Variants in CDH13 observed in about 807,000 individuals in gnomAD.
CDH13 encodes cadherin 13.
A neutral mutation model predicts 63.8 loss-of-function variants in CDH13; 24 were observed. The observed-to-expected ratio is 0.38, with a 90% CI of 0.27 to 0.53. The LOEUF (loss-of-function observed/expected upper bound fraction) is 0.53. Among genes scored for constraint, CDH13 ranks in the 20% least tolerant of loss-of-function variants. CDH13 has a pLI of 0.85. For synonymous variants in CDH13, 503 were observed against 355.3 expected, an observed-to-expected ratio of 1.42 and a Z score of -4.67; for missense variants, 1,049 against 903.1, an observed-to-expected ratio of 1.16 and a Z score of -2.07.
chr16:83,460,507 C>A (rs970874117), intron 6 of CDH13, among the ~76,000 whole-genome samples: 1 of 152,166 alleles, frequency 6.6e-6, no homozygotes, highest in African/African-American at 2.4e-5. Flanking sequence ...CCGTACCCGG[C>A]AGTGTGTACG....
At chr16:83,723,714 T>C (rs1291559750) in intron 10 of CDH13, among the ~76,000 whole-genome samples, 1 of 152,214 alleles carries the variant, frequency 6.6e-6, no homozygotes, top group Non-Finnish European at 1.5e-5. Context: ...TGATCTCCCT[T>C]CCTCTTGTAG....
intron 6 of CDH13, among the ~76,000 whole-genome samples, chr16:83,437,064 G>T (rs971965066): frequency 1.1e-4 from 16 of 152,006 alleles, no homozygotes; most frequent in Non-Finnish European, 1.9e-4. Flanking sequence ...GGCATGCTTG[G>T]TACTGTTTTG....
chr16:83,683,058 C>A (rs189738047), intron 10 of CDH13, among the ~76,000 whole-genome samples: 1 of 152,234 alleles, frequency 6.6e-6, no homozygotes, highest in Admixed American at 6.5e-5. Context: ...GGCCAGACAC[C>A]CTTTCATCTC....
intron 10 of CDH13, among the ~76,000 whole-genome samples, chr16:83,687,337 GA>G (rs1427833316): frequency 6.6e-6 from 1 of 152,164 alleles, no homozygotes; most frequent in Non-Finnish European, 1.5e-5. Context: ...GGCTATATAG[GA>G]AGCATGGCAG....
chr16:83,555,946 C>T (rs140047877), intron 7 of CDH13, among the ~76,000 whole-genome samples: 1 of 152,268 alleles, frequency 6.6e-6, no homozygotes, highest in East Asian at 1.9e-4. Flanking sequence ...ATAATGGGCT[C>T]ATTAGAGATA....
chr16:82,884,716 C>T (rs755580614), intron 2 of CDH13, among the ~76,000 whole-genome samples: 6 of 152,208 alleles, frequency 3.9e-5, no homozygotes, highest in Non-Finnish European at 5.9e-5. Flanking sequence ...AAAGGCATCT[C>T]CAAGTTTTTC....
chr16:82,892,363 A>G (rs1001224147), intron 2 of CDH13, among the ~76,000 whole-genome samples: 1 of 152,208 alleles, frequency 6.6e-6, no homozygotes, highest in Non-Finnish European at 1.5e-5. Context: ...ATTCACCAAC[A>G]TTGGTTCGGG....
chr16:82,816,781 C>T (rs932993312), intron 1 of CDH13, among the ~76,000 whole-genome samples: 11 of 138,278 alleles, frequency 8.0e-5, no homozygotes, highest in African/African-American at 3.1e-4. Context: ...TCACCATCAT[C>T]ACTACCACCT....
In CDH13 at chr16:83,203,543, C is replaced by T. The variant is rs139390580; in HGVS notation, c.484-13802C>T. On this transcript the variant is annotated intron_variant, in intron 4 of 13. Transcript: ENST00000567109. ...CTACTAAAAATACAAAAAAATTAGC[C>T]GGCTGTCGTGGTGGGTGCCTGTAGT... Among the ~76,000 whole-genome samples, 1,379 of 149,906 alleles carry T rather than the reference C, an allele frequency of 9.2e-3. 27 individuals carry two copies. Among genetic ancestry groups the T allele is most frequent in the African/African-American group, 0.031 (1,279 of 40,840 alleles).
At chr16:83,794,994 C>T (rs747841131) in intron 13 of CDH13, 29 bp from the exon 14 acceptor site, 25 of 1,585,662 alleles carry the variant, frequency 1.6e-5, no homozygotes, top group Admixed American at 1.4e-4. Context: ...GTGATATTCC[C>T]GACTTAACTC....
chr16:83,472,526 G>T (rs923783184), intron 6 of CDH13, among the ~76,000 whole-genome samples: 7 of 152,164 alleles, frequency 4.6e-5, no homozygotes, highest in Admixed American at 4.6e-4. Context: ...CGCCGCTCAG[G>T]GGCGGGACTC....
chr16:83,232,375 A>C (rs1384608842), intron 5 of CDH13, among the ~76,000 whole-genome samples: 1 of 151,848 alleles, frequency 6.6e-6, no homozygotes. Flanking sequence ...AAAAACAAAA[A>C]TTAGCCAGGC....
intron 1 of CDH13, among the ~76,000 whole-genome samples, chr16:82,774,157 G>C (rs2035386290): frequency 6.6e-6 from 1 of 152,000 alleles, no homozygotes; most frequent in Non-Finnish European, 1.5e-5. Context: ...TCCCTAATTG[G>C]TTGCCAACAG....
intron 4 of CDH13, among the ~76,000 whole-genome samples, chr16:83,147,263 T>C (rs939227015): frequency 6.6e-6 from 1 of 152,210 alleles, no homozygotes; most frequent in African/African-American, 2.4e-5. Flanking sequence ...GTTTTCCACA[T>C]CCACCTTCTT....
At chr16:83,246,907 G>A (rs765235114) in intron 5 of CDH13, among the ~76,000 whole-genome samples, 4 of 152,118 alleles carry the variant, frequency 2.6e-5, no homozygotes, top group South Asian at 2.1e-4. Context: ...TAAAATGCCC[G>A]TGACTTCTCT....
Position 83,344,963 on chromosome 16 carries a change from G to T in CDH13, c.738G>T (p.Arg246=). ...IDQNDNRPIF[R]EGPYIGHVME... is the part of the protein sequence containing the mutation. The stretch of plus-strand genomic sequence containing the variant: ...AGAATGACAACCGACCGATCTTTCG[G>T]GAAGGCCCCTACATCGGCCACGTCA... The change falls in exon 6 of 14, where the codon CGG becomes CGT. Residue 246 remains arginine, a synonymous_variant. Coordinates refer to ENST00000567109, the MANE Select transcript of CDH13 (RefSeq NM_001257.5). 2 of 1,613,974 alleles carry T rather than the reference G, an allele frequency of 1.2e-6. No individual in the cohort carries two copies. Among genetic ancestry groups the T allele is most frequent in the East Asian group, 2.2e-5 (1 of 44,880 alleles).
intron 6 of CDH13, among the ~76,000 whole-genome samples, chr16:83,367,866 C>G (rs1265857202): frequency 6.6e-6 from 1 of 152,142 alleles, no homozygotes; most frequent in Non-Finnish European, 1.5e-5. Flanking sequence ...ATCTGTAGAT[C>G]AACTGGAAGA....
At chr16:83,322,609 C>T (rs543999013) in intron 5 of CDH13, among the ~76,000 whole-genome samples, 6 of 152,238 alleles carry the variant, frequency 3.9e-5, no homozygotes, top group South Asian at 2.1e-4. Flanking sequence ...CAGTGTCCCA[C>T]GGGCCATCAT....
chr16:82,646,809 C>T (rs1159253716), intron 1 of CDH13, among the ~76,000 whole-genome samples: 1 of 151,992 alleles, frequency 6.6e-6, no homozygotes, highest in African/African-American at 2.4e-5. Flanking sequence ...GCAATTAAGC[C>T]AGAGAGAGGA....
Sources: allele counts gnomAD v4.1 joint callset (sites outside exome capture counted in the v4.1 genomes callset), GRCh38; gene constraint gnomAD v4.1.1; transcripts MANE v1.5; gene names NCBI Gene and HGNC (gene_info 2026-07-23, HGNC 2026-07-21).